The following PTPRD variants were observed in gnomAD, a reference collection of about 807,000 sequenced individuals.
PTPRD encodes protein tyrosine phosphatase receptor type D.
In PTPRD, 34 loss-of-function variants were observed where a neutral mutation model predicts 214.5. The ratio of observed to expected loss-of-function variants is 0.16; its 90% CI spans 0.12 to 0.21. The LOEUF (loss-of-function observed/expected upper bound fraction) is 0.21, where lower values mean the gene tolerates loss of function less well. PTPRD is among the 10% of genes least tolerant of loss of function. The pLI is 1.00. For missense variants in PTPRD, 2,545 were observed against 2,398.7 expected (o/e 1.06, Z -1.27); for synonymous variants, 1,128 against 845.7 (o/e 1.33, Z -5.79).
intron 14 of PTPRD, among the ~76,000 whole-genome samples, chr9:8,550,982 T>C (rs1018202472): frequency 2.0e-5 from 3 of 152,248 alleles, no homozygotes; most frequent in Non-Finnish European, 4.4e-5. Context: ...AGCATCCCAG[T>C]TCTGCAGTGA....
chr9:9,228,749 C>T, intron 9 of PTPRD, among the ~76,000 whole-genome samples: 1 of 152,088 alleles, frequency 6.6e-6, no homozygotes, highest in East Asian at 1.9e-4. Context: ...TAGCGTAAAG[C>T]CTAGTTTAAG....
intron 14 of PTPRD, among the ~76,000 whole-genome samples, chr9:8,559,158 A>C (rs1263954703): frequency 7.2e-5 from 11 of 152,210 alleles, no homozygotes; most frequent in Non-Finnish European, 5.9e-5. Context: ...ATCAACAAAA[A>C]TTCAGTTAGA....
chr9:8,923,812 A>G (rs151319369), intron 11 of PTPRD, among the ~76,000 whole-genome samples: 13 of 152,320 alleles, frequency 8.5e-5, no homozygotes, highest in African/African-American at 2.9e-4. Flanking sequence ...TGGAGGTAAC[A>G]CACCTCGAGT....
chr9:9,772,775 T>C (rs1000090259), intron 5 of PTPRD, among the ~76,000 whole-genome samples: 2 of 149,918 alleles, frequency 1.3e-5, no homozygotes, highest in African/African-American at 4.9e-5. Flanking sequence ...CTTCACTCAT[T>C]GCTGGTGGCA....
chr9:9,572,617 C>T (rs972629147), intron 8 of PTPRD, among the ~76,000 whole-genome samples: 3 of 143,990 alleles, frequency 2.1e-5, no homozygotes, highest in East Asian at 2.0e-4. Flanking sequence ...ATATATCATA[C>T]ATATATGTAT....
At chr9:8,914,336 A>ATT (rs2098769659) in intron 11 of PTPRD, among the ~76,000 whole-genome samples, 2 of 152,304 alleles carry the variant, frequency 1.3e-5, no homozygotes, top group African/African-American at 4.8e-5. Context: ...TTCTTACCAA[A>ATT]TAACAATATT....
chr9:10,335,912 T>C (rs977314142), intron 3 of PTPRD, among the ~76,000 whole-genome samples: 3 of 151,762 alleles, frequency 2.0e-5, no homozygotes, highest in African/African-American at 7.2e-5. Context: ...CTTATTAGAA[T>C]GGCCAAAATC....
intron 3 of PTPRD, among the ~76,000 whole-genome samples, chr9:10,230,193 C>T (rs1226686915): frequency 6.6e-6 from 1 of 151,940 alleles, no homozygotes; most frequent in East Asian, 2.0e-4. Flanking sequence ...GGAACAAATC[C>T]CTCCCTTGCA....
chr9:9,356,663 G>A (rs1187865661), intron 9 of PTPRD, among the ~76,000 whole-genome samples: 2 of 151,416 alleles, frequency 1.3e-5, no homozygotes, highest in South Asian at 2.1e-4. Context: ...ATCAGAAGCT[G>A]CATCTTGAAG....
intron 4 of PTPRD, among the ~76,000 whole-genome samples, chr9:9,954,911 C>A (rs1209258502): frequency 6.6e-6 from 1 of 152,080 alleles, no homozygotes; most frequent in East Asian, 1.9e-4. Flanking sequence ...GATTCACGAA[C>A]AAACAAAACT....
chr9:9,842,697 G>T (rs576565609), intron 5 of PTPRD, among the ~76,000 whole-genome samples: 6 of 146,846 alleles, frequency 4.1e-5, no homozygotes, highest in Non-Finnish European at 7.5e-5. Flanking sequence ...TTTCCCCCCA[G>T]ATCATTGCTT....
intron 8 of PTPRD, among the ~76,000 whole-genome samples, chr9:9,509,892 C>T (rs1291419919): frequency 4.0e-5 from 6 of 151,618 alleles, no homozygotes; most frequent in Non-Finnish European, 5.9e-5. Flanking sequence ...ATTCTCTGTC[C>T]TTACTGTGTG....
chr9:10,399,343 G>A (rs112321272), intron 2 of PTPRD, among the ~76,000 whole-genome samples: 42 of 151,960 alleles, frequency 2.8e-4, no homozygotes, highest in South Asian at 8.3e-4. Flanking sequence ...AAGCATAGAC[G>A]CTCTAATTCA....
At chr9:8,871,025 TC>T (rs1217455933) in intron 11 of PTPRD, among the ~76,000 whole-genome samples, 1 of 152,172 alleles carries the variant, frequency 6.6e-6, no homozygotes, top group Non-Finnish European at 1.5e-5. Flanking sequence ...CCCCCTCCTT[TC>T]CCTGTTTTCT....
At chr9:9,941,259 T>A (rs1178815383) in intron 4 of PTPRD, among the ~76,000 whole-genome samples, 1 of 152,160 alleles carries the variant, frequency 6.6e-6, no homozygotes, top group Non-Finnish European at 1.5e-5. Flanking sequence ...TCTGACAGAT[T>A]TGTATGCTCA....
intron 11 of PTPRD, among the ~76,000 whole-genome samples, chr9:8,894,882 G>C (rs1338808176): frequency 6.6e-6 from 1 of 151,994 alleles, no homozygotes; most frequent in South Asian, 2.1e-4. Flanking sequence ...ATAGTAGATG[G>C]CACCAATCAA....
At chr9:10,005,137 G>A (rs976899745) in intron 4 of PTPRD, among the ~76,000 whole-genome samples, 2 of 151,888 alleles carry the variant, frequency 1.3e-5, no homozygotes, top group African/African-American at 4.8e-5. Flanking sequence ...CCATTTAAAG[G>A]TCATTGTATA....
intron 5 of PTPRD, among the ~76,000 whole-genome samples, chr9:9,768,567 T>G (rs564032613): frequency 1.2e-4 from 18 of 152,074 alleles, no homozygotes; most frequent in African/African-American, 4.1e-4. Flanking sequence ...AAAGTAAAAA[T>G]GGCAGTACTT....
chr9:8,635,917 C>T (rs529382638), intron 13 of PTPRD, among the ~76,000 whole-genome samples: 1 of 152,242 alleles, frequency 6.6e-6, no homozygotes, highest in East Asian at 1.9e-4. Context: ...AGCCTTCTCA[C>T]AAACACTCAA....
Sources: allele counts gnomAD v4.1 joint callset (sites outside exome capture counted in the v4.1 genomes callset), GRCh38; gene constraint gnomAD v4.1.1; transcripts MANE v1.5; gene names NCBI Gene and HGNC (gene_info 2026-07-23, HGNC 2026-07-21).